Variants in DMD observed in about 807,000 individuals in gnomAD.
The protein encoded by DMD is mutant dystrophin.
A neutral mutation model predicts 330.1 loss-of-function variants in DMD; 63 were observed. That is an observed-to-expected ratio of 0.19 (90% confidence interval 0.16 to 0.24). The LOEUF is 0.24. Among genes scored for constraint, DMD ranks in the 10% least tolerant of loss-of-function variants. The pLI is 1.00. For missense variants in DMD, 3,344 were observed against 2,684.1 expected, an observed-to-expected ratio of 1.25 and a Z score of -5.43; for synonymous variants, 1,223 against 959.8, an observed-to-expected ratio of 1.27 and a Z score of -5.07.
At chrX:32,211,761 G>A (rs2097094608) in intron 44 of DMD, among the ~76,000 whole-genome samples, 1 of 111,558 alleles carries the variant, frequency 9.0e-6, no homozygotes, top group Non-Finnish European at 1.9e-5. Flanking sequence ...CGTTCTGCAG[G>A]AAATACTGGT....
intron 57 of DMD, among the ~76,000 whole-genome samples, chrX:31,487,627 G>A (rs753348044): frequency 1.8e-5 from 2 of 111,201 alleles, no homozygotes; most frequent in African/African-American, 6.5e-5. Context: ...GCAACAACTC[G>A]CCCTTACAAT....
chrX:32,459,933 T>G (rs925979157), intron 25 of DMD, among the ~76,000 whole-genome samples: 1 of 111,214 alleles, frequency 9.0e-6, no homozygotes, highest in African/African-American at 3.3e-5. Context: ...TGGATTGTCT[T>G]TTCATTCTGT....
chrX:32,526,132 G>A (rs778326964), intron 17 of DMD, among the ~76,000 whole-genome samples: 4 of 111,222 alleles, frequency 3.6e-5, no homozygotes, highest in African/African-American at 9.8e-5. Flanking sequence ...ACGTACTTCC[G>A]AATGTTATCA....
At chrX:32,421,772 C>G (rs7064842) in intron 29 of DMD, among the ~76,000 whole-genome samples, 16,371 of 111,100 alleles carry the variant, frequency 0.15, 1,001 homozygotes, top group African/African-American at 0.21. Flanking sequence ...AACAGGTTTC[C>G]GGTGTGACGC....
intron 15 of DMD, among the ~76,000 whole-genome samples, chrX:32,571,867 G>A (rs1404751426): frequency 9.2e-6 from 1 of 109,075 alleles, no homozygotes; most frequent in African/African-American, 3.4e-5. Context: ...ACATTCTAAT[G>A]TTTCTCTTCT....
intron 63 of DMD, among the ~76,000 whole-genome samples, chrX:31,242,344 G>C (rs1245408291): frequency 9.7e-6 from 1 of 102,863 alleles, no homozygotes; most frequent in African/African-American, 3.6e-5. Context: ...AAACAAGCCA[G>C]TCTTTCATAC....
intron 2 of DMD, among the ~76,000 whole-genome samples, chrX:32,931,011 A>G (rs957772023): frequency 9.3e-6 from 1 of 107,598 alleles, no homozygotes; most frequent in East Asian, 2.8e-4. Flanking sequence ...ATTTTATACT[A>G]TATTAATACA....
In DMD at chrX:31,820,115, C is replaced by T. The variant is rs187367630; in HGVS notation, c.7201-32G>A. 1,192 of 1,062,784 alleles carry T rather than the reference C, an allele frequency of 1.1e-3. 11 individuals are homozygous for T. The Admixed American group carries it at 0.024, about 21-fold the overall frequency. The allele number at this position is 1,062,784 out of a possible 1,213,427, so 87.6% of individuals were successfully genotyped here. A position where few individuals can be genotyped will look rare whatever the true frequency, so the allele number is the denominator to read the frequency against. The stretch of plus-strand genomic sequence containing the variant: ...CAGAAAAGCATACACATTACTTATT[C>T]GATTAACACTTTGAAGATAATTCAT... On this transcript the variant is annotated intron_variant, in intron 49 of 78. Coordinates refer to ENST00000357033, the MANE Select transcript of DMD (RefSeq NM_004006.3).
chrX:31,350,632 T>TGTGTGAGA (rs1156358927), intron 60 of DMD, among the ~76,000 whole-genome samples: 4 of 66,697 alleles, frequency 6.0e-5, no homozygotes, highest in Admixed American at 1.9e-4. Context: ...TGTGTGTGTG[T>TGTGTGAGA]GAGAGAGAGA....
intron 44 of DMD, among the ~76,000 whole-genome samples, chrX:32,035,200 A>G (rs2095932474): frequency 9.0e-6 from 1 of 111,608 alleles, no homozygotes; most frequent in Admixed American, 9.6e-5. Flanking sequence ...TTATTTTGCA[A>G]AAGACGACAA....
At chrX:31,152,538 C>CT (rs11285738) in intron 74 of DMD, among the ~76,000 whole-genome samples, 41 of 97,072 alleles carry the variant, frequency 4.2e-4, no homozygotes, top group Non-Finnish European at 5.8e-4. Context: ...ATTAATTCAT[C>CT]TTTTTTTTTT....
At position 32,365,892 on chromosome X, in the gene DMD, T is replaced by C. The variant is rs190323300; in HGVS notation, c.4846-693A>G. ...CAATGTCTGGAACACGTTATAAAAG[T>C]ATCTGTCATTTCTATTAGTGACAAA... On this transcript the variant is annotated intron_variant, in intron 34 of 78. Coordinates refer to ENST00000357033, the MANE Select transcript of DMD (RefSeq NM_004006.3). 9.8e-5 allele frequency among the ~76,000 whole-genome samples: 11 copies of C among 111,907 alleles called. No homozygotes were observed. In the East Asian group the frequency reaches 3.1e-3, roughly 32 times the overall value.
intron 62 of DMD, among the ~76,000 whole-genome samples, chrX:31,297,368 C>A (rs2054268144): frequency 9.0e-6 from 1 of 110,908 alleles, no homozygotes; most frequent in Admixed American, 9.7e-5. Flanking sequence ...ATGTGAGGGA[C>A]CTCCTGTTTG....
At position 31,788,774 on chromosome X, in the gene DMD, A is replaced by G. The variant is rs952089446; in HGVS notation, c.7310-14582T>C. ...CAATGTTGGGTGCATATATATTTAC[A>G]ATTGTTATACCTTCTTGATGAATTG... is the stretch of plus-strand genomic sequence containing the variant. On this transcript the variant is annotated intron_variant, in intron 50 of 78. Transcript: ENST00000357033. Among the ~76,000 whole-genome samples the G allele has an allele frequency of 6.3e-5, 7 of 111,084 alleles. No individual in the cohort carries two copies. In the Admixed American group the frequency reaches 6.7e-4, roughly 11 times the overall value.
At chrX:31,556,569 G>A (rs1040449825) in intron 55 of DMD, among the ~76,000 whole-genome samples, 6 of 105,845 alleles carry the variant, frequency 5.7e-5, no homozygotes, top group Non-Finnish European at 1.2e-4. Context: ...AATGATTTGT[G>A]AGGCCACATC....
chrX:31,438,142 G>A (rs2064675357), intron 60 of DMD, among the ~76,000 whole-genome samples: 1 of 111,075 alleles, frequency 9.0e-6, no homozygotes, highest in South Asian at 3.8e-4. Context: ...GAAAAGTTAA[G>A]TGCTTGGTTC....
chrX:32,432,489 C>G (rs965127225), intron 29 of DMD, among the ~76,000 whole-genome samples: 1 of 111,832 alleles, frequency 8.9e-6, no homozygotes, highest in African/African-American at 3.3e-5. Context: ...TTTCCAGCAT[C>G]CTAGTGCTTT....
intron 10 of DMD, 109 bp downstream of exon 10, chrX:32,644,855 A>C (rs759444472): frequency 1.1e-6 from 1 of 937,724 alleles, no homozygotes. Context: ...ACATCATAGT[A>C]ACTAAATTTC....
intron 44 of DMD, among the ~76,000 whole-genome samples, chrX:31,991,135 G>T (rs1883543815): frequency 8.9e-6 from 1 of 111,775 alleles, no homozygotes; most frequent in African/African-American, 3.2e-5. Flanking sequence ...GCATAATATT[G>T]AGATTATATT....
Sources: gnomAD v4.1 joint callset for allele counts (sites outside exome capture counted in the v4.1 genomes callset) on GRCh38, gnomAD v4.1.1 for gene constraint, MANE v1.5 for transcripts, NCBI Gene and HGNC (gene_info 2026-07-23, HGNC 2026-07-21) for gene names.